The following CACUL1 variants were observed in gnomAD, a reference collection of about 807,000 sequenced individuals.
CACUL1 encodes CDK2 associated cullin domain 1.
A neutral mutation model predicts 45.2 loss-of-function variants in CACUL1; 13 were observed. That is an observed-to-expected ratio of 0.29 (90% CI 0.19 to 0.46). The LOEUF (loss-of-function observed/expected upper bound fraction) is 0.46. CACUL1 is among the 20% of genes least tolerant of loss of function. The pLI, the probability that CACUL1 is intolerant of heterozygous loss-of-function variation, is 1.00. For missense variants in CACUL1, 421 were observed against 471.4 expected, an observed-to-expected ratio of 0.89 and a Z score of 0.99; for synonymous variants, 197 against 174.2, an observed-to-expected ratio of 1.13 and a Z score of -1.03.
chr10:118,685,944 GTTT>G lies in CACUL1; in HGVS notation c.*181_*183del, dbSNP rs572173441. 1.3e-4 allele frequency: 41 copies of G among 326,266 alleles called. No homozygotes were observed. The highest frequency in any genetic ancestry group is 1.4e-4 in the Non-Finnish European group (26 of 180,256). 20.2% of individuals were successfully genotyped at this position (326,266 alleles called of 1,614,324 possible). ...AATCACCCCCAAGTCTAGCAGCAAC[GTTT>G]TTTTTTTTTTTAGTTTTTGTTTTAA... is the stretch of plus-strand genomic sequence containing the variant. On this transcript the variant is annotated 3_prime_UTR_variant, in exon 9 of 9. Transcript: ENST00000369151.
At chr10:118,740,254 C>T (rs1845779798) in intron 1 of CACUL1, among the ~76,000 whole-genome samples, 1 of 152,206 alleles carries the variant, frequency 6.6e-6, no homozygotes, top group Non-Finnish European at 1.5e-5. Context: ...AATCTCAGTA[C>T]ACTTTAGGCC....
rs1047165952 is a variant in CACUL1 at position 118,683,292 on chromosome 10, G to A, written c.*2836C>T. The A allele has an allele frequency of 1.9e-4, 28 of 149,748 alleles. No homozygotes were observed. The highest frequency in any genetic ancestry group is 5.2e-4 in the African/African-American group (21 of 40,528). 9.3% of individuals were successfully genotyped at this position (149,748 alleles called of 1,614,324 possible). On this transcript the variant is annotated 3_prime_UTR_variant, in exon 9 of 9. Coordinates refer to ENST00000369151, the MANE Select transcript of CACUL1 (RefSeq NM_153810.5). ...AACCAGACAACCAGCCTGCATGTAC[G>A]GTTTTGTATCTTCAATGATTTGGGC...
chr10:118,714,584 C>T (rs369235330), intron 3 of CACUL1, among the ~76,000 whole-genome samples: 1 of 152,132 alleles, frequency 6.6e-6, no homozygotes, highest in African/African-American at 2.4e-5. Context: ...CTGTCAAATA[C>T]CAAAGTCTAA....
intron 3 of CACUL1, among the ~76,000 whole-genome samples, chr10:118,721,897 A>G (rs755502722): frequency 2.0e-5 from 3 of 152,236 alleles, no homozygotes; most frequent in Non-Finnish European, 4.4e-5. Context: ...AATTGTTTCA[A>G]TGGATTCTGG....
chr10:118,698,148 C>CTT (rs1021447229), intron 5 of CACUL1, among the ~76,000 whole-genome samples: 249 of 136,186 alleles, frequency 1.8e-3, no homozygotes, highest in African/African-American at 5.6e-3. Context: ...ACCTCTTTTG[C>CTT]TTTTTTTTTT....
intron 3 of CACUL1, among the ~76,000 whole-genome samples, chr10:118,709,060 C>G (rs1845460111): frequency 6.6e-6 from 1 of 152,176 alleles, no homozygotes; most frequent in African/African-American, 2.4e-5. Context: ...CATAAACCAT[C>G]AGTTAACACA....
chr10:118,682,863 G>A lies in CACUL1; in HGVS notation c.*3265C>T, dbSNP rs1025920156. 1 of 152,470 alleles carries A rather than the reference G, an allele frequency of 6.6e-6. No individual in the cohort carries two copies. Among genetic ancestry groups the A allele is most frequent in the Non-Finnish European group, 1.5e-5 (1 of 68,048 alleles). The allele number at this position is 152,470 out of a possible 1,614,324, so 9.4% of individuals were successfully genotyped here. On this transcript the variant is annotated 3_prime_UTR_variant, in exon 9 of 9. Transcript: ENST00000369151. ...ATTAGCTTTCACTCTAGACCCCAAA[G>A]GGAGGGTAATTGCTGCAAATTTGTT... is the stretch of plus-strand genomic sequence containing the variant.
intron 5 of CACUL1, among the ~76,000 whole-genome samples, chr10:118,696,153 C>T (rs1845319971): frequency 6.6e-6 from 1 of 152,132 alleles, no homozygotes; most frequent in Admixed American, 6.5e-5. Context: ...ATCAGAGATG[C>T]ACTCACTGTT....
At position 118,753,778 on chromosome 10, in the gene CACUL1, T is replaced by C. The variant is rs1483913978; in HGVS notation, c.367+618A>G. Among the ~76,000 whole-genome samples, 2 of 152,238 alleles carry C rather than the reference T, an allele frequency of 1.3e-5. 1 individual carries two copies. Among genetic ancestry groups the C allele is most frequent in the East Asian group, 3.8e-4 (2 of 5,196 alleles). ...GAGTGTAAGCTCTGAAAAGTGATTTTATGCATTATTAGCTTCAAGACGATG... is the reference window on the plus strand; with the variant it reads ...GAGTGTAAGCTCTGAAAAGTGATTTCATGCATTATTAGCTTCAAGACGATG... On this transcript the variant is annotated intron_variant, in intron 1 of 8. Transcript: ENST00000369151.
rs1274582662 is a variant in CACUL1, at chr10:118,730,392, A to G, written c.386T>C (p.Ile129Thr). ...CCAGTATGTGCTCTTATAATCTTCA[A>G]TAGTTATAACATTCATTACTAAAAG... ...TSKFLMNVIT[I>T]EDYKSTYWPK... The change falls in exon 2 of 9, where the codon ATT (isoleucine) becomes ACT (threonine). Residue 129 changes from isoleucine (I) to threonine (T), a missense_variant. Ile to Thr is a moderately conservative substitution (Grantham distance 89). This residue lies in a region of CACUL1 where 208 missense variants were observed against 298.4 expected (regional missense o/e 0.70). Coordinates refer to ENST00000369151, the MANE Select transcript of CACUL1 (RefSeq NM_153810.5). The G allele has an allele frequency of 1.9e-6, 3 of 1,612,800 alleles. No individual in the cohort carries two copies. Among genetic ancestry groups the G allele is most frequent in the African/African-American group, 1.3e-5 (1 of 74,900 alleles).
chr10:118,712,186 C>T (rs978645679), intron 3 of CACUL1, among the ~76,000 whole-genome samples: 7 of 152,196 alleles, frequency 4.6e-5, no homozygotes, highest in African/African-American at 1.7e-4. Flanking sequence ...GCGCCTTTAC[C>T]TGAGTTTTGC....
intron 5 of CACUL1, among the ~76,000 whole-genome samples, chr10:118,698,775 T>C (rs578059063): frequency 2.0e-5 from 3 of 152,172 alleles, no homozygotes; most frequent in Admixed American, 2.0e-4. Flanking sequence ...AATAAAAGAC[T>C]GTTGTTTTAA....
At chr10:118,749,680 T>C (rs1022786616) in intron 1 of CACUL1, among the ~76,000 whole-genome samples, 4 of 152,148 alleles carry the variant, frequency 2.6e-5, no homozygotes, top group African/African-American at 7.2e-5. Context: ...ATTTGGGAAA[T>C]GGAAATCACT....
intron 1 of CACUL1, among the ~76,000 whole-genome samples, chr10:118,741,455 G>C (rs1845792258): frequency 6.7e-6 from 1 of 150,328 alleles, no homozygotes; most frequent in Non-Finnish European, 1.5e-5. Flanking sequence ...CACCTTAAAA[G>C]AGACAGACAG....
chr10:118,752,880 A>C (rs1176844291), intron 1 of CACUL1, among the ~76,000 whole-genome samples: 1 of 151,840 alleles, frequency 6.6e-6, no homozygotes, highest in East Asian at 1.9e-4. Context: ...TAAGTTCATA[A>C]CGTTCTTTTT....
At chr10:118,735,583 G>A (rs956866563) in intron 1 of CACUL1, among the ~76,000 whole-genome samples, 2 of 152,174 alleles carry the variant, frequency 1.3e-5, no homozygotes, top group Admixed American at 6.5e-5. Flanking sequence ...AGCAGCCCTG[G>A]ACAGCCAGGG....
At chr10:118,747,173 G>A (rs928801776) in intron 1 of CACUL1, among the ~76,000 whole-genome samples, 2 of 152,172 alleles carry the variant, frequency 1.3e-5, no homozygotes, top group African/African-American at 4.8e-5. Context: ...TCTCTTCCAC[G>A]CAACTGGTCC....
chr10:118,682,347 G>A lies in CACUL1; in HGVS notation c.*3781C>T, dbSNP rs968872568. 1 of 152,126 alleles carries A rather than the reference G, an allele frequency of 6.6e-6. No individual in the cohort carries two copies. Among genetic ancestry groups the A allele is most frequent in the African/African-American group, 2.4e-5 (1 of 41,410 alleles). 9.4% of individuals were successfully genotyped at this position (152,126 alleles called of 1,614,324 possible). The stretch of plus-strand genomic sequence containing the variant: ...GAAACAATAACAGTTTAACTCAAGG[G>A]CAATGCTTCTTGCATAATAATCACA... On this transcript the variant is annotated 3_prime_UTR_variant, in exon 9 of 9. Transcript: ENST00000369151.
In CACUL1 at chr10:118,682,617, G is replaced by A. The variant is rs1045981116; in HGVS notation, c.*3511C>T. 1.3e-5 allele frequency: 2 copies of A among 152,634 alleles called. No homozygotes were observed. Among genetic ancestry groups the A allele is most frequent in the African/African-American group, 4.8e-5 (2 of 41,456 alleles). The allele number at this position is 152,634 out of a possible 1,614,324, so 9.5% of individuals were successfully genotyped here. A position where few individuals can be genotyped will look rare whatever the true frequency, so the allele number is the denominator to read the frequency against. The stretch of plus-strand genomic sequence containing the variant: ...CACTCGGAAGTTATCCTTTTGTGCT[G>A]AAAAACGTTCAAATCCCTTGTTTGG... On this transcript the variant is annotated 3_prime_UTR_variant, in exon 9 of 9. Coordinates refer to ENST00000369151, the MANE Select transcript of CACUL1 (RefSeq NM_153810.5).
Sources: gnomAD v4.1 joint callset for allele counts (sites outside exome capture counted in the v4.1 genomes callset) on GRCh38, gnomAD v4.1.1 for gene constraint, gnomAD v4.1.1 regional missense constraint, MANE v1.5 for transcripts, NCBI Gene and HGNC (gene_info 2026-07-23, HGNC 2026-07-21) for gene names.